Variants in JMY observed in about 807,000 individuals in gnomAD.
JMY encodes the protein junction mediating and regulatory protein, p53 cofactor.
Under a neutral mutation model 103.3 loss-of-function variants are expected in JMY, and 46 were observed. That is an observed-to-expected ratio of 0.45 (90% CI 0.35 to 0.57). The LOEUF is 0.57. JMY is among the 20% of genes least tolerant of loss of function. JMY has a pLI of 0.00. For synonymous variants in JMY, 526 were observed against 489.3 expected, an observed-to-expected ratio of 1.07 and a Z score of -0.99; for missense variants, 1,238 against 1,255.2, an observed-to-expected ratio of 0.99 and a Z score of 0.21.
At chr5:79,251,993 C>G (rs1225819730) in intron 1 of JMY, among the ~76,000 whole-genome samples, 2 of 152,062 alleles carry the variant, frequency 1.3e-5, no homozygotes, top group African/African-American at 4.8e-5. Context: ...TCAGGCTGTT[C>G]TTGAACTCCC....
intron 10 of JMY, among the ~76,000 whole-genome samples, chr5:79,318,780 AGAGAGAGAGAGAGAGAGAGAGAGG>A (rs1304497449): frequency 0.01 from 469 of 44,974 alleles, 3 homozygotes; most frequent in African/African-American, 0.038. Context: ...AGAGAGAGAG[AGAGAGAGAGAGAGAGAGAGAGAGG>A]GATGCATATC....
intron 2 of JMY, among the ~76,000 whole-genome samples, chr5:79,285,202 A>G (rs985580959): frequency 2.0e-5 from 3 of 152,176 alleles, no homozygotes; most frequent in Admixed American, 6.5e-5. Context: ...AAATTCTTGA[A>G]TGTGCATTTC....
intron 1 of JMY, among the ~76,000 whole-genome samples, chr5:79,270,434 T>C (rs968374151): frequency 2.4e-5 from 2 of 81,722 alleles, no homozygotes; most frequent in South Asian, 6.5e-4. Context: ...TTTACATAAA[T>C]ATTTAAAATA....
chr5:79,251,471 A>G (rs921241939), intron 1 of JMY, among the ~76,000 whole-genome samples: 4 of 152,120 alleles, frequency 2.6e-5, no homozygotes, highest in African/African-American at 9.7e-5. Flanking sequence ...TTTGATACAG[A>G]TATGTAATGC....
intron 4 of JMY, among the ~76,000 whole-genome samples, chr5:79,292,804 TGG>T (rs11308059): frequency 4.0e-5 from 6 of 151,482 alleles, no homozygotes; most frequent in Admixed American, 1.3e-4. Context: ...TCTTGGGGAG[TGG>T]GGGGGGTCCT....
intron 8 of JMY, among the ~76,000 whole-genome samples, chr5:79,313,225 C>CT (rs775319543): frequency 6.6e-6 from 1 of 152,106 alleles, no homozygotes; most frequent in Non-Finnish European, 1.5e-5. Flanking sequence ...CCGGGGAGTT[C>CT]AAGACCAGCC....
chr5:79,306,254 G>A (rs940634489), intron 6 of JMY, 121 bp from the exon 7 acceptor site: 1 of 655,412 alleles, frequency 1.5e-6, no homozygotes, highest in Non-Finnish European at 2.7e-6. Flanking sequence ...GAAACAAGAG[G>A]TGGTCAATGT....
chr5:79,317,507 A>G (rs1328534183), intron 10 of JMY, among the ~76,000 whole-genome samples: 1 of 152,228 alleles, frequency 6.6e-6, no homozygotes, highest in Non-Finnish European at 1.5e-5. Flanking sequence ...AATGATGGTA[A>G]CTGAAATGTT....
intron 1 of JMY, among the ~76,000 whole-genome samples, chr5:79,262,078 G>A (rs886101094): frequency 2.6e-5 from 4 of 152,148 alleles, no homozygotes; most frequent in Admixed American, 6.6e-5. Context: ...TGCTGTGGCC[G>A]TTTTTATGTT....
At chr5:79,312,821 C>T (rs896678278) in intron 8 of JMY, among the ~76,000 whole-genome samples, 1 of 152,146 alleles carries the variant, frequency 6.6e-6, no homozygotes, top group African/African-American at 2.4e-5. Flanking sequence ...GCTCAAGCAT[C>T]AGCATGTTAT....
intron 2 of JMY, among the ~76,000 whole-genome samples, chr5:79,289,281 C>G (rs1223513783): frequency 6.7e-6 from 1 of 149,488 alleles, no homozygotes; most frequent in Non-Finnish European, 1.5e-5. Context: ...TTATTTCTAC[C>G]TTCAGAATTC....
In JMY at chr5:79,254,110, C is replaced by CT. The variant is rs1364112743; in HGVS notation, c.1032+16429dup. On this transcript the variant is annotated intron_variant, in intron 1 of 10. Coordinates refer to ENST00000396137, the MANE Select transcript of JMY (RefSeq NM_152405.5). The stretch of plus-strand genomic sequence containing the variant: ...TACAGGTGCCCACCACCACGCCCAG[C>CT]TATTTTTTTTTTTTTTGTATTTTTA... 9.5e-5 allele frequency among the ~76,000 whole-genome samples: 10 copies of CT among 105,446 alleles called. No homozygotes were observed. In the East Asian group the frequency reaches 2.1e-3, roughly 22 times the overall value. 69.2% of individuals were successfully genotyped at this position (105,446 alleles called of 152,430 possible).
intron 10 of JMY, among the ~76,000 whole-genome samples, chr5:79,316,631 C>T (rs973910294): frequency 1.5e-4 from 23 of 152,000 alleles, no homozygotes; most frequent in Admixed American, 2.6e-4. Context: ...AAGGGCCTGG[C>T]ACAGTGGCTC....
intron 8 of JMY, among the ~76,000 whole-genome samples, chr5:79,313,486 C>G (rs1303142240): frequency 6.6e-6 from 1 of 152,036 alleles, no homozygotes; most frequent in East Asian, 1.9e-4. Context: ...CCAGTAAGTA[C>G]TGAAAAAAAT....
chr5:79,303,143 G>A (rs1220587990), intron 6 of JMY, among the ~76,000 whole-genome samples: 1 of 152,226 alleles, frequency 6.6e-6, no homozygotes, highest in East Asian at 1.9e-4. Flanking sequence ...AGAGATGGCT[G>A]TGAGACAGTT....
rs1193845431 is a variant in JMY at position 79,324,266 on chromosome 5, G to A, written c.*2664G>A. On this transcript the variant is annotated 3_prime_UTR_variant, in exon 11 of 11. Transcript: ENST00000396137. ...TAATAAAATCAGGATCTTCGGCCTT[G>A]ATACTAAATATGTGTATATTTAGTT... is the stretch of plus-strand genomic sequence containing the variant. 1 of 152,086 alleles carries A rather than the reference G, an allele frequency of 6.6e-6. No homozygotes were observed. Among genetic ancestry groups the A allele is most frequent in the Non-Finnish European group, 1.5e-5 (1 of 68,030 alleles). 9.4% of individuals were successfully genotyped at this position (152,086 alleles called of 1,614,324 possible). A position where few individuals can be genotyped will look rare whatever the true frequency, so the allele number is the denominator to read the frequency against.
rs1450440538 is a variant in JMY, at chr5:79,316,241, TA to T, written c.2904del (p.Glu969LysfsTer23). Reference protein sequence around the residue: ...RSIHEALRRIKEASPESEDEE... With the variant: ...RSIHEALRRIXEASPESEDEE... ...GCATCCATGAAGCTCTTAGAAGAAT[TA>T]AAGAAGCATCCCCAGAGTCAGAGGA... On this transcript the variant is annotated frameshift_variant, in exon 10 of 11. Coordinates refer to ENST00000396137, the MANE Select transcript of JMY (RefSeq NM_152405.5). LOFTEE classifies it high-confidence loss of function. 3 of 1,614,014 alleles carry T rather than the reference TA, an allele frequency of 1.9e-6. No individual in the cohort carries two copies. In the Admixed American group the frequency reaches 5.0e-5, roughly 27 times the overall value.
chr5:79,311,933 C>T (rs1052742448), intron 7 of JMY, among the ~76,000 whole-genome samples: 3 of 152,262 alleles, frequency 2.0e-5, no homozygotes, highest in Non-Finnish European at 4.4e-5. Flanking sequence ...TCTCCTGCCT[C>T]AGCCTCCCAA....
chr5:79,261,923 C>T lies in JMY; in HGVS notation c.1033-15987C>T, dbSNP rs946264405. 2.0e-5 allele frequency among the ~76,000 whole-genome samples: 3 copies of T among 152,234 alleles called. No individual in the cohort carries two copies. In the South Asian group the frequency reaches 6.2e-4, roughly 32 times the overall value. ...TACAGGCGTGAGCCACCATGCCCAA[C>T]CTCTGCTTCATGTTTCTTAAGTGAA... is the stretch of plus-strand genomic sequence containing the variant. On this transcript the variant is annotated intron_variant, in intron 1 of 10. Coordinates refer to ENST00000396137, the MANE Select transcript of JMY (RefSeq NM_152405.5).
Sources: allele counts gnomAD v4.1 joint callset (sites outside exome capture counted in the v4.1 genomes callset), GRCh38; gene constraint gnomAD v4.1.1; transcripts MANE v1.5; gene names NCBI Gene and HGNC (gene_info 2026-07-23, HGNC 2026-07-21).